The following POLI variants were observed in gnomAD, a reference collection of about 807,000 sequenced individuals.
POLI encodes the protein RAD30 homolog B.
In POLI, 58 loss-of-function variants were observed where a neutral mutation model predicts 51.6. The ratio of observed to expected loss-of-function variants is 1.12; its 90% CI spans 0.91 to 1.40. The LOEUF is 1.40. POLI is among the 40% of genes most tolerant of loss of function. The probability of loss-of-function intolerance (pLI) is 0.00; values close to 1 mark genes in which losing one functional copy is unlikely to be tolerated. For synonymous variants in POLI, 322 were observed against 299.7 expected (o/e 1.07, Z -0.77); for missense variants, 921 against 871.3 (o/e 1.06, Z -0.72).
chr18:54,276,383 C>T (rs2087241491), intron 3 of POLI, among the ~76,000 whole-genome samples: 1 of 152,076 alleles, frequency 6.6e-6, no homozygotes, highest in African/African-American at 2.4e-5. Flanking sequence ...ACAACAAAAA[C>T]CTTCAGGGAC....
In POLI at chr18:54,274,060, C is replaced by A. The variant is rs369815747; in HGVS notation, c.376C>A (p.Arg126Ser). 17 of 1,498,680 alleles carry A rather than the reference C, an allele frequency of 1.1e-5. No homozygotes were observed. Among genetic ancestry groups the A allele is most frequent in the Middle Eastern group, 1.8e-4 (1 of 5,680 alleles). The allele number at this position is 1,498,680 out of a possible 1,614,324, so 92.8% of individuals were successfully genotyped here. A position where few individuals can be genotyped will look rare whatever the true frequency, so the allele number is the denominator to read the frequency against. Residue 126 changes from arginine (R) to serine (S), a missense_variant, in exon 3 of 10, where the codon CGC becomes AGC. By Grantham distance (110) the Arg-to-Ser change is moderately radical (BLOSUM62 -1). Coordinates refer to ENST00000579534, the MANE Select transcript of POLI (RefSeq NM_007195.3). ...LVLVNGEDLT[R>S]YREMSYKVTE... is the part of the protein sequence containing the mutation. ...ATTAGTTAATGGAGAAGACCTGACC[C>A]GCTACAGAGAAATGTCTTATAAGGT...
At chr18:54,274,568 T>G (rs1048699995) in intron 3 of POLI, among the ~76,000 whole-genome samples, 1 of 151,796 alleles carries the variant, frequency 6.6e-6, no homozygotes, top group Admixed American at 6.6e-5. Context: ...TTAGGTTTTA[T>G]ATATATACTA....
chr18:54,292,050 CTT>C lies in POLI; in HGVS notation c.1404+17_1404+18del. On this transcript the variant is annotated intron_variant, in intron 9 of 9. Transcript: ENST00000579534. The stretch of plus-strand genomic sequence containing the variant: ...GCAAGCACAGTTTTGTAAGTACACT[CTT>C]TTTTGTTCAGTTTTCTAAGTATACT... The C allele has an allele frequency of 1.3e-6, 2 of 1,501,466 alleles. No homozygotes were observed. The highest frequency in any genetic ancestry group is 1.8e-5 in the Admixed American group (1 of 56,980). The allele number at this position is 1,501,466 out of a possible 1,614,324, so 93.0% of individuals were successfully genotyped here.
At chr18:54,274,832 A>G (rs1355300895) in intron 3 of POLI, 1 of 151,972 alleles carries the variant, frequency 6.6e-6, no homozygotes, top group Non-Finnish European at 1.5e-5. Context: ...TTTTTCTTTT[A>G]TGATAGCAAT....
Position 54,282,958 on chromosome 18 carries a change from C to G in POLI, c.918C>G (p.Ile306Met). 1 of 1,610,886 alleles carries G rather than the reference C, an allele frequency of 6.2e-7. No homozygotes were observed. The highest frequency in any genetic ancestry group is 8.5e-7 in the Non-Finnish European group (1 of 1,178,388). Residue 306 changes from isoleucine to methionine, a missense_variant, in exon 6 of 10, where the codon ATC becomes ATG. Transcript: ENST00000579534. The stretch of plus-strand genomic sequence containing the variant: ...TAGGAATTTCAGTTGCTCAGCGTAT[C>G]CAAAAGCTCAGTTTTGGAGAGGATA... ...KELGISVAQR[I>M]QKLSFGEDNS... is the part of the protein sequence containing the mutation.
rs1599282148 is a variant in POLI, at chr18:54,311,628, A to G, written c.334-8645A>G. On this transcript the variant is annotated intron_variant, in intron 3 of 4. Coordinates refer to the POLI transcript ENST00000579823. ...AGGCTTAGCCAGACTATAGTGTTCTACTTCAATTGTCATCAACTTTTTTGA... is the reference window on the plus strand; with the variant it reads ...AGGCTTAGCCAGACTATAGTGTTCTGCTTCAATTGTCATCAACTTTTTTGA... 2.0e-5 allele frequency among the ~76,000 whole-genome samples: 3 copies of G among 152,222 alleles called. No homozygotes were observed. The South Asian group carries it at 6.2e-4, about 32-fold the overall frequency.
intron 3 of POLI, among the ~76,000 whole-genome samples, chr18:54,316,730 T>G (rs1325990215): frequency 6.6e-6 from 1 of 152,122 alleles, no homozygotes; most frequent in Non-Finnish European, 1.5e-5. Context: ...CTTTAAGAAG[T>G]TCTTATGAAA....
chr18:54,290,377 G>T (rs369255252), intron 8 of POLI, among the ~76,000 whole-genome samples: 1 of 152,176 alleles, frequency 6.6e-6, no homozygotes, highest in African/African-American at 2.4e-5. Context: ...TTACACTGTT[G>T]GTGGGAGTGT....
chr18:54,273,888 C>T (rs1326029495), intron 2 of POLI, 38 bp from the exon 3 acceptor site: 2 of 1,197,046 alleles, frequency 1.7e-6, no homozygotes, highest in African/African-American at 1.6e-5. Flanking sequence ...ATGTTTTCTT[C>T]AATTGTGCTT....
In POLI at chr18:54,280,651, TTTG is replaced by T; in HGVS notation, c.560-10_560-8del. 6.6e-7 allele frequency: 1 copy of T among 1,507,348 alleles called. No individual in the cohort carries two copies. Among genetic ancestry groups the T allele is most frequent in the South Asian group, 1.1e-5 (1 of 87,340 alleles). The allele number at this position is 1,507,348 out of a possible 1,614,324, so 93.4% of individuals were successfully genotyped here. A position where few individuals can be genotyped will look rare whatever the true frequency, so the allele number is the denominator to read the frequency against. ...GTTTTTCTTGTGACTTTGAATGACATTTGTTGTTTTTAAAGCTATAAACCTGCT... is the reference window on the plus strand; with the variant it reads ...GTTTTTCTTGTGACTTTGAATGACATTTGTTTTTAAAGCTATAAACCTGCT... On this transcript the variant is annotated splice_polypyrimidine_tract_variant and intron_variant, in intron 4 of 9. Transcript: ENST00000579534.
chr18:54,287,287 C>A lies in POLI; in HGVS notation c.1074C>A (p.Cys358Ter), dbSNP rs1418092065. The part of the protein sequence containing the change: ...ELLASLLNRV[C>*]QDGRKPHTVR... ...ACTTTCTCTTTATTTTTAGAGTATG[C>A]CAAGATGGAAGGAAGCCTCATACAG... is the stretch of plus-strand genomic sequence containing the variant. Residue 358 changes from cysteine to a stop codon, truncating the protein, a stop_gained, in exon 8 of 10, where the codon TGC (cysteine) becomes TGA (stop). Transcript: ENST00000579534. LOFTEE classifies it high-confidence loss of function. 6.4e-7 allele frequency: 1 copy of A among 1,563,764 alleles called. No individual in the cohort carries two copies.
At chr18:54,277,590 ATG>A (rs2087301714) in intron 3 of POLI, 111 bp from the exon 4 acceptor site, 1 of 614,596 alleles carries the variant, frequency 1.6e-6, no homozygotes, top group Non-Finnish European at 2.8e-6. Context: ...GGAACTATGA[ATG>A]TATATAAAAC....
chr18:54,308,703 C>T (rs755476496), intron 3 of POLI, among the ~76,000 whole-genome samples: 12 of 152,208 alleles, frequency 7.9e-5, no homozygotes, highest in Non-Finnish European at 1.6e-4. Flanking sequence ...TTCTCCTCGT[C>T]ACTTTCAAGT....
intron 3 of POLI, among the ~76,000 whole-genome samples, chr18:54,315,833 G>A (rs1242926930): frequency 6.6e-6 from 1 of 151,838 alleles, no homozygotes; most frequent in Non-Finnish European, 1.5e-5. Flanking sequence ...TTTACTTTGA[G>A]CCTCTGTGTG....
chr18:54,294,605 G>A lies in POLI; in HGVS notation c.*138G>A. 1 of 1,295,610 alleles carries A rather than the reference G, an allele frequency of 7.7e-7. No homozygotes were observed. Among genetic ancestry groups the A allele is most frequent in the Non-Finnish European group, 9.8e-7 (1 of 1,025,028 alleles). The allele number at this position is 1,295,610 out of a possible 1,614,324, so 80.3% of individuals were successfully genotyped here. ...TGTTCCAGATAAAGCAAGAATAGTT[G>A]CAAGAAGTAAATTCTGGCACAAAGC... On this transcript the variant is annotated 3_prime_UTR_variant, in exon 10 of 10. Coordinates refer to ENST00000579534, the MANE Select transcript of POLI (RefSeq NM_007195.3).
Position 54,294,798 on chromosome 18 carries a change from G to A in POLI, c.*331G>A. The A allele has an allele frequency of 1.0e-6, 1 of 978,690 alleles. No individual in the cohort carries two copies. The highest frequency in any genetic ancestry group is 1.2e-6 in the Non-Finnish European group (1 of 824,888). The allele number at this position is 978,690 out of a possible 1,614,324, so 60.6% of individuals were successfully genotyped here. A position where few individuals can be genotyped will look rare whatever the true frequency, so the allele number is the denominator to read the frequency against. On this transcript the variant is annotated 3_prime_UTR_variant, in exon 10 of 10. Transcript: ENST00000579534. ...TAAAAAATAGCCAAATCGTTGCAAT[G>A]ATATGGTAAAGGACACATTTTTTTT... is the stretch of plus-strand genomic sequence containing the variant.
At chr18:54,308,918 G>C (rs2088630386) in intron 3 of POLI, among the ~76,000 whole-genome samples, 2 of 152,104 alleles carry the variant, frequency 1.3e-5, no homozygotes, top group South Asian at 4.1e-4. Flanking sequence ...TTGTGCCATG[G>C]TTTTCAGCTC....
intron 3 of POLI, chr18:54,274,868 A>G (rs1056935251): frequency 1.2e-4 from 19 of 152,160 alleles, no homozygotes; most frequent in African/African-American, 3.9e-4. Context: ...TTAAATGTCT[A>G]TAATATACAA....
chr18:54,309,670 T>A (rs1293416816), intron 3 of POLI, among the ~76,000 whole-genome samples: 1 of 152,224 alleles, frequency 6.6e-6, no homozygotes, highest in Non-Finnish European at 1.5e-5. Flanking sequence ...AGTTCAGCTA[T>A]GCCCTGCCCT....
Sources: allele counts gnomAD v4.1 joint callset (sites outside exome capture counted in the v4.1 genomes callset), GRCh38; gene constraint gnomAD v4.1.1; transcripts MANE v1.5; gene names NCBI Gene and HGNC (gene_info 2026-07-23, HGNC 2026-07-21).